KCNMA1: variants seen among roughly 807,000 people sequenced by gnomAD.
The protein encoded by KCNMA1 is Calcium-activated potassium channel subunit alpha-1.
In KCNMA1, 29 loss-of-function variants were observed where a neutral mutation model predicts 140.0. The observed-to-expected ratio is 0.21, with a 90% CI of 0.15 to 0.28. The LOEUF (loss-of-function observed/expected upper bound fraction) is 0.28, where lower values mean the gene tolerates loss of function less well. Among genes scored for constraint, KCNMA1 ranks in the 10% least tolerant of loss-of-function variants. The pLI is 1.00. For synonymous variants in KCNMA1, 612 were observed against 611.9 expected, an observed-to-expected ratio of 1.00 and a Z score of 0.00; for missense variants, 880 against 1,602.2, an observed-to-expected ratio of 0.55 and a Z score of 7.70.
intron 11 of KCNMA1, among the ~76,000 whole-genome samples, chr10:77,085,872 T>C (rs537294660): frequency 1.3e-5 from 2 of 152,282 alleles, no homozygotes; most frequent in African/African-American, 4.8e-5. Context: ...CAGATGCCAT[T>C]TTGCCTTGTA....
chr10:77,076,794 T>C (rs550921039), intron 13 of KCNMA1, among the ~76,000 whole-genome samples: 1 of 152,350 alleles, frequency 6.6e-6, no homozygotes, highest in East Asian at 1.9e-4. Context: ...CAGTTTTACA[T>C]GGAGAGAAAG....
chr10:77,498,375 G>A (rs114093346), intron 1 of KCNMA1, among the ~76,000 whole-genome samples: 191 of 152,348 alleles, frequency 1.3e-3, no homozygotes, highest in African/African-American at 4.4e-3. Flanking sequence ...ACTGGCCAGG[G>A]CAGGGGCTTG....
At chr10:77,268,439 GT>G (rs1225076393) in intron 2 of KCNMA1, among the ~76,000 whole-genome samples, 3 of 152,058 alleles carry the variant, frequency 2.0e-5, no homozygotes, top group Admixed American at 6.6e-5. Context: ...AGTAAGTGTT[GT>G]TTTTTTAAGG....
At chr10:77,494,129 A>C (rs546977830) in intron 1 of KCNMA1, among the ~76,000 whole-genome samples, 3 of 152,336 alleles carry the variant, frequency 2.0e-5, no homozygotes, top group African/African-American at 7.2e-5. Flanking sequence ...GAATAAATAC[A>C]CAACTGGCTA....
At chr10:77,455,165 T>C (rs780569740) in intron 1 of KCNMA1, among the ~76,000 whole-genome samples, 12 of 152,212 alleles carry the variant, frequency 7.9e-5, no homozygotes, top group Non-Finnish European at 1.8e-4. Flanking sequence ...TACCATGTGC[T>C]TGGCAATACT....
chr10:77,346,951 C>T (rs971581583), intron 2 of KCNMA1, among the ~76,000 whole-genome samples: 1 of 152,222 alleles, frequency 6.6e-6, no homozygotes, highest in Non-Finnish European at 1.5e-5. Context: ...ACAGAGTCTG[C>T]AAGCAGCCTG....
At chr10:77,208,848 T>C (rs1031083464) in intron 3 of KCNMA1, among the ~76,000 whole-genome samples, 8 of 152,200 alleles carry the variant, frequency 5.3e-5, no homozygotes, top group African/African-American at 1.7e-4. Context: ...TGTAAGTACA[T>C]GCACCAACTA....
At chr10:76,987,319 G>T (rs1204040132) in intron 19 of KCNMA1, among the ~76,000 whole-genome samples, 1 of 152,172 alleles carries the variant, frequency 6.6e-6, no homozygotes, top group Non-Finnish European at 1.5e-5. Flanking sequence ...TTACAGAAAA[G>T]AGATTCACTT....
chr10:77,382,986 GTGTGTGTGTATATATA>G (rs1462482594), intron 2 of KCNMA1, among the ~76,000 whole-genome samples: 76 of 58,182 alleles, frequency 1.3e-3, no homozygotes, highest in African/African-American at 5.0e-3. Flanking sequence ...GTGTGTGTGT[GTGTGTGTGTATATATA>G]TATATATATA....
In KCNMA1 at chr10:77,547,543, C is replaced by G. The variant is rs578185708; in HGVS notation, c.378+89722G>C. On this transcript the variant is annotated intron_variant, in intron 1 of 27. Transcript: ENST00000286628. ...ACAGGCTGCCCAACCGGGCCCACCT[C>G]TGTGTGGCTTCTCCAGATCAACAGA... is the stretch of plus-strand genomic sequence containing the variant. 7.9e-4 allele frequency among the ~76,000 whole-genome samples: 120 copies of G among 152,358 alleles called. 1 individual carries two copies. The highest frequency in any genetic ancestry group is 2.8e-3 in the African/African-American group (116 of 41,590).
At position 77,045,058 on chromosome 10, in the gene KCNMA1, G is replaced by A. The variant is rs567791071; in HGVS notation, c.1750-5421C>T. 3.3e-5 allele frequency among the ~76,000 whole-genome samples: 5 copies of A among 152,322 alleles called. No homozygotes were observed. The South Asian group carries it at 1.0e-3, about 32-fold the overall frequency. On this transcript the variant is annotated intron_variant, in intron 14 of 27. Coordinates refer to ENST00000286628, the MANE Select transcript of KCNMA1 (RefSeq NM_001161352.2). The stretch of plus-strand genomic sequence containing the variant: ...CATTTTGGCTCTAGCTGAAAGGGCG[G>A]TTCAAGCCTCCTCTCAGAGCATAAA...
intron 18 of KCNMA1, among the ~76,000 whole-genome samples, chr10:77,009,916 T>C (rs183969033): frequency 6.6e-6 from 1 of 152,182 alleles, no homozygotes; most frequent in South Asian, 2.1e-4. Flanking sequence ...TTTATTTATT[T>C]ACATCATCAT....
intron 2 of KCNMA1, among the ~76,000 whole-genome samples, chr10:77,288,827 C>T (rs1453174964): frequency 2.6e-5 from 4 of 152,118 alleles, no homozygotes; most frequent in Admixed American, 6.5e-5. Context: ...TTTTAACAAG[C>T]TTTTTTTGAG....
Position 77,538,587 on chromosome 10 carries a change from G to A in KCNMA1, c.378+98678C>T, listed in dbSNP as rs546326405. Among the ~76,000 whole-genome samples the A allele has an allele frequency of 1.6e-4, 25 of 152,186 alleles. 1 individual carries two copies. In the South Asian group the frequency reaches 5.0e-3, roughly 30 times the overall value. On this transcript the variant is annotated intron_variant, in intron 1 of 27. Coordinates refer to ENST00000286628, the MANE Select transcript of KCNMA1 (RefSeq NM_001161352.2). ...CCTCTCTGAACCTCAATTTCTTCAC[G>A]TGTGTCTTGGAGAATGCCAGTACTA...
intron 23 of KCNMA1, among the ~76,000 whole-genome samples, chr10:76,931,931 T>G (rs943138797): frequency 1.3e-5 from 2 of 152,198 alleles, no homozygotes; most frequent in Admixed American, 1.3e-4. Flanking sequence ...TAGGTACAAG[T>G]GGATAATCCT....
At chr10:76,893,492 G>A (rs922048300) in intron 25 of KCNMA1, among the ~76,000 whole-genome samples, 2 of 152,150 alleles carry the variant, frequency 1.3e-5, no homozygotes, top group Non-Finnish European at 2.9e-5. Flanking sequence ...ACTTTGGTAG[G>A]CCAAGGTGGG....
At position 77,251,225 on chromosome 10, in the gene KCNMA1, G is replaced by A. The variant is rs200629431; in HGVS notation, c.572C>T (p.Ala191Val). Residue 191 changes from alanine to valine, a missense_variant, in exon 3 of 28, where the codon GCA becomes GTA. Around this residue, in one of 13 missense-constraint regions of KCNMA1, gnomAD observed 198 missense variants for 580.1 expected, o/e 0.34. Coordinates refer to ENST00000286628, the MANE Select transcript of KCNMA1 (RefSeq NM_001161352.2). ...VVLVFALSIGALVIYFIDSSN... is the reference protein window; with the variant it reads ...VVLVFALSIGVLVIYFIDSSN... ...TGAATCTATGAAGTATATTACAAGT[G>A]CACCGATGCTGAGAGCAAAGACTAA... 6.2e-7 allele frequency: 1 copy of A among 1,612,248 alleles called. No individual in the cohort carries two copies. The highest frequency in any genetic ancestry group is 8.5e-7 in the Non-Finnish European group (1 of 1,178,442).
At chr10:77,205,321 G>C (rs1435758085) in intron 3 of KCNMA1, among the ~76,000 whole-genome samples, 2 of 152,164 alleles carry the variant, frequency 1.3e-5, no homozygotes, top group Non-Finnish European at 2.9e-5. Context: ...CTAGAGATGT[G>C]TGCATATCAA....
intron 19 of KCNMA1, among the ~76,000 whole-genome samples, chr10:76,980,780 A>C (rs540492532): frequency 2.0e-5 from 3 of 152,156 alleles, no homozygotes; most frequent in Non-Finnish European, 2.9e-5. Context: ...ACTCAAGTGT[A>C]CCATCCCCGA....
Sources: gnomAD v4.1 joint callset for allele counts (sites outside exome capture counted in the v4.1 genomes callset) on GRCh38, gnomAD v4.1.1 for gene constraint, gnomAD v4.1.1 regional missense constraint, MANE v1.5 for transcripts, NCBI Gene and HGNC (gene_info 2026-07-23, HGNC 2026-07-21) for gene names.